INPP5D: variants seen among roughly 807,000 people sequenced by gnomAD.
INPP5D encodes the protein phosphatidylinositol 3,4,5-trisphosphate 5-phosphatase 1.
In INPP5D, 33 loss-of-function variants were observed where a neutral mutation model predicts 122.9. That is an observed-to-expected ratio of 0.27 (90% CI 0.20 to 0.36). The LOEUF is 0.36. Ranked by LOEUF, INPP5D falls within the 10% of genes least tolerant of loss-of-function variation. The pLI is 1.00. For synonymous variants in INPP5D, 584 were observed against 576.2 expected (o/e 1.01, Z -0.19); for missense variants, 1,053 against 1,412.7 (o/e 0.75, Z 4.08).
chr2:233,127,772 C>A (rs1382896013), intron 4 of INPP5D, among the ~76,000 whole-genome samples: 1 of 152,162 alleles, frequency 6.6e-6, no homozygotes, highest in Non-Finnish European at 1.5e-5. Context: ...CCACAACCAG[C>A]TAATTTTGTA....
At chr2:233,179,520 G>C (rs1244076416) in intron 18 of INPP5D, among the ~76,000 whole-genome samples, 2 of 152,230 alleles carry the variant, frequency 1.3e-5, no homozygotes, top group Non-Finnish European at 2.9e-5. Flanking sequence ...GATCAGTCCG[G>C]AAGTGGCAAT....
intron 9 of INPP5D, among the ~76,000 whole-genome samples, chr2:233,150,751 G>A (rs944398807): frequency 6.6e-6 from 1 of 152,192 alleles, no homozygotes; most frequent in Non-Finnish European, 1.5e-5. Context: ...GCTGGCACAT[G>A]GGCAGGTATT....
At chr2:233,154,941 T>C (rs1169163895) in intron 9 of INPP5D, among the ~76,000 whole-genome samples, 8 of 152,218 alleles carry the variant, frequency 5.3e-5, no homozygotes, top group Admixed American at 4.6e-4. Flanking sequence ...CAGTCAGTAC[T>C]GAAACCGTTG....
chr2:233,094,820 C>T (rs1312651937), intron 2 of INPP5D, among the ~76,000 whole-genome samples: 4 of 152,242 alleles, frequency 2.6e-5, no homozygotes, highest in South Asian at 2.1e-4. Context: ...TCACTCACCA[C>T]GGGAGGGAGT....
chr2:233,156,576 T>A (rs759330161), intron 9 of INPP5D, among the ~76,000 whole-genome samples: 1 of 152,168 alleles, frequency 6.6e-6, no homozygotes, highest in Non-Finnish European at 1.5e-5. Context: ...ATTACAGGCA[T>A]GAGCCACCGC....
In INPP5D at chr2:233,206,180, G is replaced by A. The variant is rs181119229; in HGVS notation, c.3568-526G>A. ...GTTTACCCATCTGTAAAAAGGGGCT[G>A]TTAATAGTACCTACCTCATAGACTT... On this transcript the variant is annotated intron_variant, in intron 26 of 26. Transcript: ENST00000445964. This position sits in a 1 kb window ranked among gnomAD's most constrained non-coding sequence, Gnocchi z 4.0. 1.3e-5 allele frequency among the ~76,000 whole-genome samples: 2 copies of A among 152,244 alleles called. No individual in the cohort carries two copies. Among genetic ancestry groups the A allele is most frequent in the African/African-American group, 4.8e-5 (2 of 41,540 alleles).
chr2:233,065,359 G>A (rs1574696948), intron 1 of INPP5D, among the ~76,000 whole-genome samples: 1 of 141,374 alleles, frequency 7.1e-6, no homozygotes, highest in Middle Eastern at 4.2e-3. Context: ...CAAGGCTGGA[G>A]TGCAGTGGTG....
At position 233,102,765 on chromosome 2, in the gene INPP5D, G is replaced by A. The variant is rs943885308; in HGVS notation, c.199-19342G>A. 5.3e-5 allele frequency among the ~76,000 whole-genome samples: 8 copies of A among 151,362 alleles called. No homozygotes were observed. In the Middle Eastern group the frequency reaches 0.01, roughly 193 times the overall value. ...CTCGGGAGGCTGAGGCAGGAGAATG[G>A]CATGAACCCGGGAAGCGGAGCTTGC... On this transcript the variant is annotated intron_variant, in intron 2 of 26. Transcript: ENST00000445964.
At chr2:233,176,775 G>A (rs1694651721) in intron 17 of INPP5D, among the ~76,000 whole-genome samples, 2 of 150,988 alleles carry the variant, frequency 1.3e-5, no homozygotes, top group African/African-American at 2.4e-5. Context: ...TAAGTGGATG[G>A]GTGGATGGAT....
intron 21 of INPP5D, among the ~76,000 whole-genome samples, chr2:233,186,472 G>A (rs1694917532): frequency 6.6e-6 from 1 of 152,044 alleles, no homozygotes. Context: ...CACTCAGCCA[G>A]ACCTTAGTGG....
chr2:233,128,121 A>T lies in INPP5D; in HGVS notation c.524+2202A>T, dbSNP rs1481637501. On this transcript the variant is annotated intron_variant, in intron 4 of 26. Transcript: ENST00000445964. This position sits in a 1 kb window ranked among gnomAD's most constrained non-coding sequence, Gnocchi z 4.5. The stretch of plus-strand genomic sequence containing the variant: ...TGCCTCCTGTCAGATCAGCGGTGGC[A>T]TTAGATTCTCATGAGTGTGAACCCG... Among the ~76,000 whole-genome samples the T allele has an allele frequency of 6.6e-6, 1 of 152,180 alleles. No individual in the cohort carries two copies. Among genetic ancestry groups the T allele is most frequent in the African/African-American group, 2.4e-5 (1 of 41,444 alleles).
chr2:233,147,878 A>C (rs943066758), intron 9 of INPP5D, among the ~76,000 whole-genome samples: 1 of 152,222 alleles, frequency 6.6e-6, no homozygotes, highest in African/African-American at 2.4e-5. Context: ...CTGTGAGTAC[A>C]TGGACTCTGG....
At chr2:233,073,855 T>C (rs1437695155) in intron 1 of INPP5D, among the ~76,000 whole-genome samples, 1 of 152,180 alleles carries the variant, frequency 6.6e-6, no homozygotes, top group East Asian at 1.9e-4. Context: ...TGTTAAATTC[T>C]GACTCTAAAC....
chr2:233,086,120 T>TCTTTCTTTCTTTCTTTCTTC lies in INPP5D; in HGVS notation c.198+6741_198+6742insCCTTTCTTTCTTTCTTTCTT, dbSNP rs893255572. 2.3e-3 allele frequency among the ~76,000 whole-genome samples: 45 copies of TCTTTCTTTCTTTCTTTCTTC among 19,644 alleles called. 2 individuals are homozygous for TCTTTCTTTCTTTCTTTCTTC. The highest frequency in any genetic ancestry group is 6.0e-4 in the Admixed American group (1 of 1,668). The allele number at this position is 19,644 out of a possible 152,430, so 12.9% of individuals were successfully genotyped here. On this transcript the variant is annotated intron_variant, in intron 2 of 26. Coordinates refer to ENST00000445964, the MANE Select transcript of INPP5D (RefSeq NM_001017915.3). ...AAACAGACATAGGGATAAGATAGCC[T>TCTTTCTTTCTTTCTTTCTTC]CTTTCTTTCTTTCTTTCTTTCTTTC...
intron 10 of INPP5D, among the ~76,000 whole-genome samples, chr2:233,159,235 A>C (rs1694135111): frequency 6.6e-6 from 1 of 152,232 alleles, no homozygotes; most frequent in African/African-American, 2.4e-5. Context: ...CTGTGCCCCC[A>C]CAGTGGGTTC....
intron 2 of INPP5D, among the ~76,000 whole-genome samples, chr2:233,088,141 A>C (rs537664550): frequency 3.6e-4 from 55 of 151,786 alleles, no homozygotes; most frequent in African/African-American, 1.3e-3. Flanking sequence ...ACCCCCGACT[A>C]ATTTTTTGTA....
In INPP5D at chr2:233,169,485, T is replaced by G. The variant is rs1694433945; in HGVS notation, c.1652+84T>G. ...CACACCTTTAAGCACCAGAAGGACCTGCTCAGCTCCTGCCTTTGACCTTGT... is the reference window on the plus strand; with the variant it reads ...CACACCTTTAAGCACCAGAAGGACCGGCTCAGCTCCTGCCTTTGACCTTGT... On this transcript the variant is annotated intron_variant, in intron 14 of 26. Transcript: ENST00000445964. 4 of 1,533,002 alleles carry G rather than the reference T, an allele frequency of 2.6e-6. No homozygotes were observed. In the South Asian group the frequency reaches 4.9e-5, roughly 19 times the overall value. The allele number at this position is 1,533,002 out of a possible 1,614,324, so 95.0% of individuals were successfully genotyped here.
At chr2:233,116,690 G>C (rs1467223399) in intron 2 of INPP5D, among the ~76,000 whole-genome samples, 1 of 152,042 alleles carries the variant, frequency 6.6e-6, no homozygotes, top group East Asian at 1.9e-4. Flanking sequence ...ACTGCTGCTT[G>C]GGTTCAAGCG....
intron 1 of INPP5D, among the ~76,000 whole-genome samples, chr2:233,066,886 C>G (rs1419524384): frequency 6.6e-6 from 1 of 152,138 alleles, no homozygotes; most frequent in Non-Finnish European, 1.5e-5. Context: ...TCAAGCAATC[C>G]TCTGCCTCAG....
Sources: allele counts gnomAD v4.1 joint callset (sites outside exome capture counted in the v4.1 genomes callset), GRCh38; gene constraint gnomAD v4.1.1; non-coding constraint Gnocchi (gnomAD v3.1); transcripts MANE v1.5; gene names NCBI Gene and HGNC (gene_info 2026-07-23, HGNC 2026-07-21).